Variants in PDGFRA observed in about 807,000 individuals in gnomAD.
PDGFRA encodes the protein platelet-derived growth factor receptor alpha.
PDGFRA carries 25 observed loss-of-function variants against 121.5 expected under a neutral mutation model. That is an observed-to-expected ratio of 0.21 (90% CI 0.15 to 0.29). PDGFRA has a LOEUF of 0.29. Among genes scored for constraint, PDGFRA ranks in the 10% least tolerant of loss-of-function variants. PDGFRA has a pLI of 1.00. For missense variants in PDGFRA, 1,008 were observed against 1,345.1 expected, an observed-to-expected ratio of 0.75 and a Z score of 3.92; for synonymous variants, 463 against 494.8, an observed-to-expected ratio of 0.94 and a Z score of 0.85.
chr4:54,277,346 C>G (rs759227627), intron 12 of PDGFRA, 42 bp from the exon 13 acceptor site: 7 of 1,339,618 alleles, frequency 5.2e-6, no homozygotes, highest in African/African-American at 1.5e-5. Flanking sequence ...GCTGAGGAGG[C>G]GTCTGGAGTT....
chr4:54,248,252 C>T (rs1370230740), intron 1 of PDGFRA, among the ~76,000 whole-genome samples: 18 of 152,116 alleles, frequency 1.2e-4, no homozygotes, highest in African/African-American at 2.4e-4. Flanking sequence ...GAGCCCGCAT[C>T]GCCAAGTCAG....
chr4:54,271,546 T>TTCCC (rs771249074), intron 8 of PDGFRA, among the ~76,000 whole-genome samples: 13 of 151,836 alleles, frequency 8.6e-5, no homozygotes, highest in Admixed American at 3.3e-4. Context: ...CTCTCTCTCT[T>TTCCC]TCCCTCCCTC....
intron 11 of PDGFRA, 68 bp from the exon 12 acceptor site, chr4:54,274,773 G>T (rs1424645318): frequency 1.3e-6 from 2 of 1,562,012 alleles, no homozygotes; most frequent in Non-Finnish European, 1.8e-6. Flanking sequence ...TCACTGTGCT[G>T]CTTCAGTGAA....
chr4:54,234,161 C>T (rs750182911), intron 1 of PDGFRA, among the ~76,000 whole-genome samples: 5 of 151,938 alleles, frequency 3.3e-5, no homozygotes, highest in African/African-American at 4.8e-5. Context: ...CGCACCAGCT[C>T]CCGGTGATGG....
intron 1 of PDGFRA, among the ~76,000 whole-genome samples, chr4:54,233,822 G>C (rs900607292): frequency 1.3e-5 from 2 of 152,264 alleles, no homozygotes; most frequent in African/African-American, 4.8e-5. Context: ...TTGCCCCGCG[G>C]GCGGCCTGTT....
chr4:54,244,429 G>A lies in PDGFRA; in HGVS notation c.-12-14328G>A, dbSNP rs184645409. On this transcript the variant is annotated intron_variant, in intron 1 of 22. Coordinates refer to ENST00000257290, the MANE Select transcript of PDGFRA (RefSeq NM_006206.6). ...GTTCACGAAAATCTGCTGTTCTGCC[G>A]CCACTGCTGCTGGTACCCAGGCAAA... is the stretch of plus-strand genomic sequence containing the variant. 4.6e-3 allele frequency among the ~76,000 whole-genome samples: 694 copies of A among 152,302 alleles called. 4 individuals carry two copies. The highest frequency in any genetic ancestry group is 0.016 in the African/African-American group (645 of 41,550).
chr4:54,295,130 A>G lies in PDGFRA; in HGVS notation c.3128A>G (p.Gln1043Arg), dbSNP rs1553907178. The change falls in exon 23 of 23, where the codon CAG becomes CGG. Residue 1043 changes from glutamine to arginine, a missense_variant. This residue lies in a region of PDGFRA where 204 missense variants were observed against 243.0 expected (regional missense o/e 0.84). Transcript: ENST00000257290. ...DLGKRNRHSS[Q>R]TSEESAIETG... Reference sequence around the variant, plus strand: ...CTCTTCTCTCCCTCCTCCAGCTCGCAGACCTCTGAAGAGAGTGCCATTGAG... The same window carrying G: ...CTCTTCTCTCCCTCCTCCAGCTCGCGGACCTCTGAAGAGAGTGCCATTGAG... 1 of 1,614,086 alleles carries G rather than the reference A, an allele frequency of 6.2e-7. No individual in the cohort carries two copies. Among genetic ancestry groups the G allele is most frequent in the Non-Finnish European group, 8.5e-7 (1 of 1,179,954 alleles).
At position 54,290,192 on chromosome 4, in the gene PDGFRA, A is replaced by G. The variant is rs544144709; in HGVS notation, c.2881-121A>G. On this transcript the variant is annotated intron_variant, in intron 21 of 22. Coordinates refer to ENST00000257290, the MANE Select transcript of PDGFRA (RefSeq NM_006206.6). ...CATGACTCTCCTTCAACTAAGTCCCACATCTTCCAGGTAGTTTGGAGATAT... is the reference window on the plus strand; with the variant it reads ...CATGACTCTCCTTCAACTAAGTCCCGCATCTTCCAGGTAGTTTGGAGATAT... 8.5e-6 allele frequency: 7 copies of G among 822,568 alleles called. No homozygotes were observed. The Admixed American group carries it at 1.4e-4, about 16-fold the overall frequency. The allele number at this position is 822,568 out of a possible 1,614,324, so 51.0% of individuals were successfully genotyped here.
rs544457929 is a variant in PDGFRA at position 54,288,607 on chromosome 4, A to G, written c.2675-192A>G. On this transcript the variant is annotated intron_variant, in intron 19 of 22. Coordinates refer to ENST00000257290, the MANE Select transcript of PDGFRA (RefSeq NM_006206.6). ...TGGTACTTGGACTTGACCAACCTGGAGTCCTAATTAAACTTAAGGTTTGAG... is the reference window on the plus strand; with the variant it reads ...TGGTACTTGGACTTGACCAACCTGGGGTCCTAATTAAACTTAAGGTTTGAG... Among the ~76,000 whole-genome samples, 12 of 152,270 alleles carry G rather than the reference A, an allele frequency of 7.9e-5. No homozygotes were observed. In the East Asian group the frequency reaches 2.1e-3, roughly 27 times the overall value.
Position 54,295,377 on chromosome 4 carries a change from G to A in PDGFRA, c.*105G>A. ...AGGTTGAGAGGAGGACTTGGTTGAT[G>A]TTTAAAGAGAAGTTCCCAGCCAAGG... is the stretch of plus-strand genomic sequence containing the variant. On this transcript the variant is annotated 3_prime_UTR_variant, in exon 23 of 23. Transcript: ENST00000257290. The A allele has an allele frequency of 8.6e-7, 1 of 1,165,502 alleles. No individual in the cohort carries two copies. The highest frequency in any genetic ancestry group is 1.3e-5 in the South Asian group (1 of 78,600). The allele number at this position is 1,165,502 out of a possible 1,614,324, so 72.2% of individuals were successfully genotyped here.
intron 3 of PDGFRA, among the ~76,000 whole-genome samples, chr4:54,263,454 A>C (rs1257782673): frequency 6.6e-6 from 1 of 152,206 alleles, no homozygotes; most frequent in East Asian, 1.9e-4. Context: ...AGTATTATCC[A>C]TCAGGAGACA....
intron 17 of PDGFRA, 103 bp from the exon 18 acceptor site, chr4:54,285,738 C>A (rs4864871): frequency 7.9e-7 from 1 of 1,259,730 alleles, no homozygotes; most frequent in Non-Finnish European, 1.2e-6. Context: ...TATATCCAGG[C>A]AGACAGCTCC....
intron 5 of PDGFRA, 111 bp from the exon 6 acceptor site, chr4:54,267,178 T>A (rs1723072384): frequency 9.6e-7 from 1 of 1,044,966 alleles, no homozygotes; most frequent in East Asian, 2.4e-5. Context: ...TTGTTATAAC[T>A]GCTGAACCTC....
chr4:54,261,929 A>ATTTTT (rs1414200279), intron 3 of PDGFRA, among the ~76,000 whole-genome samples: 2 of 60,480 alleles, frequency 3.3e-5, no homozygotes, highest in Admixed American at 4.6e-4. Flanking sequence ...ATATATATAT[A>ATTTTT]TATTTTTTTT....
intron 1 of PDGFRA, among the ~76,000 whole-genome samples, chr4:54,238,024 C>G (rs1215834145): frequency 6.6e-6 from 1 of 152,210 alleles, no homozygotes; most frequent in African/African-American, 2.4e-5. Flanking sequence ...TTCTTAAAAT[C>G]AGCTCTAAGT....
At chr4:54,281,890 G>A (rs1176846203) in intron 16 of PDGFRA, 5 of 1,150,666 alleles carry the variant, frequency 4.3e-6, no homozygotes, top group Non-Finnish European at 4.3e-6. Context: ...GCTATCACAT[G>A]TGATTGGTGG....
intron 1 of PDGFRA, among the ~76,000 whole-genome samples, chr4:54,246,994 A>G (rs1721716272): frequency 1.3e-5 from 2 of 152,240 alleles, no homozygotes; most frequent in African/African-American, 4.8e-5. Context: ...TCCTCGACAC[A>G]TACACCCTCC....
At chr4:54,233,641 C>T (rs1355844236) in intron 1 of PDGFRA, among the ~76,000 whole-genome samples, 1 of 152,054 alleles carries the variant, frequency 6.6e-6, no homozygotes, top group Admixed American at 6.5e-5. Flanking sequence ...TGTGTGGGCC[C>T]GGGAGGCGCC....
At chr4:54,230,814 C>G (rs1284983181) in intron 1 of PDGFRA, among the ~76,000 whole-genome samples, 1 of 152,212 alleles carries the variant, frequency 6.6e-6, no homozygotes, top group East Asian at 1.9e-4. Context: ...TCTCCTTCCT[C>G]TGCTGTCTAC....
Sources: gnomAD v4.1 joint callset for allele counts (sites outside exome capture counted in the v4.1 genomes callset) on GRCh38, gnomAD v4.1.1 for gene constraint, gnomAD v4.1.1 regional missense constraint, MANE v1.5 for transcripts, NCBI Gene and HGNC (gene_info 2026-07-23, HGNC 2026-07-21) for gene names.